CA10: variants seen among roughly 807,000 people sequenced by gnomAD.
The protein encoded by CA10 is carbonic anhydrase-related protein 10.
In CA10, 14 loss-of-function variants were observed where a neutral mutation model predicts 44.2. That is an observed-to-expected ratio of 0.32 (90% CI 0.21 to 0.50). CA10 has a LOEUF of 0.50. Among genes scored for constraint, CA10 ranks in the 20% least tolerant of loss-of-function variants. The pLI is 0.99. For missense variants in CA10, 350 were observed against 409.7 expected, an observed-to-expected ratio of 0.85 and a Z score of 1.26; for synonymous variants, 159 against 141.6, an observed-to-expected ratio of 1.12 and a Z score of -0.87.
At position 51,844,283 on chromosome 17, in the gene CA10, G is replaced by A. The variant is rs1349211225; in HGVS notation, c.279+86707C>T. Among the ~76,000 whole-genome samples the A allele has an allele frequency of 3.3e-5, 5 of 152,064 alleles. No homozygotes were observed. In the East Asian group the frequency reaches 7.7e-4, roughly 23 times the overall value. ...TGAAATTTGTAAAATAACCCTTTTTGTGATGTTGAGAAAGTCAAAATTAAG... is the reference window on the plus strand; with the variant it reads ...TGAAATTTGTAAAATAACCCTTTTTATGATGTTGAGAAAGTCAAAATTAAG... On this transcript the variant is annotated intron_variant, in intron 3 of 8. Coordinates refer to ENST00000451037, the MANE Select transcript of CA10 (RefSeq NM_020178.5).
rs1445038113 is a variant in CA10, at chr17:51,649,777, G to T, written c.562-523C>A. The stretch of plus-strand genomic sequence containing the variant: ...GATTGGCAGGGGCCAGATCATGTCA[G>T]GCTTTTAAGCAAGGTAGGGACTGAC... On this transcript the variant is annotated intron_variant, in intron 5 of 8. Transcript: ENST00000451037. Among the ~76,000 whole-genome samples the T allele has an allele frequency of 2.0e-5, 3 of 151,726 alleles. No homozygotes were observed. In the East Asian group the frequency reaches 5.8e-4, roughly 29 times the overall value.
At chr17:51,847,416 G>A (rs188517738) in intron 3 of CA10, among the ~76,000 whole-genome samples, 31 of 152,228 alleles carry the variant, frequency 2.0e-4, no homozygotes, top group Admixed American at 4.6e-4. Context: ...TGGATATTTG[G>A]AGAATGCCAA....
At chr17:52,151,755 G>C (rs1214773510) in intron 1 of CA10, among the ~76,000 whole-genome samples, 1 of 152,144 alleles carries the variant, frequency 6.6e-6, no homozygotes, top group African/African-American at 2.4e-5. Flanking sequence ...ATTAATACAT[G>C]TCAGGCAGTA....
chr17:52,060,052 A>G (rs979424789), intron 2 of CA10, among the ~76,000 whole-genome samples: 2 of 152,146 alleles, frequency 1.3e-5, no homozygotes, highest in Admixed American at 6.5e-5. Context: ...CTGATTGGTG[A>G]TAGAAATACG....
intron 1 of CA10, among the ~76,000 whole-genome samples, chr17:52,129,519 A>G (rs143157510): frequency 1.4e-4 from 21 of 152,352 alleles, no homozygotes; most frequent in Non-Finnish European, 2.8e-4. Flanking sequence ...TGGATATACT[A>G]TGTGGTGAAT....
intron 1 of CA10, among the ~76,000 whole-genome samples, chr17:52,105,506 T>C (rs1825907047): frequency 6.6e-6 from 1 of 152,202 alleles, no homozygotes; most frequent in African/African-American, 2.4e-5. Context: ...CTGCCCGCCC[T>C]GGCCTCCCAA....
chr17:51,876,552 T>C (rs545556591), intron 3 of CA10, among the ~76,000 whole-genome samples: 2 of 152,196 alleles, frequency 1.3e-5, no homozygotes, highest in African/African-American at 2.4e-5. Context: ...TTGTGGGGAA[T>C]GTCCTGTGCA....
At chr17:52,073,061 C>T (rs1208484537) in intron 1 of CA10, among the ~76,000 whole-genome samples, 1 of 152,142 alleles carries the variant, frequency 6.6e-6, no homozygotes, top group African/African-American at 2.4e-5. Flanking sequence ...ATTACACATG[C>T]ACACAAACCC....
intron 1 of CA10, among the ~76,000 whole-genome samples, chr17:52,145,474 CACA>C (rs961332955): frequency 1.2e-4 from 18 of 152,288 alleles, no homozygotes; most frequent in African/African-American, 3.8e-4. Context: ...TAACACTAAA[CACA>C]ACATGTCCTA....
At chr17:52,000,167 A>T (rs1326949488) in intron 2 of CA10, among the ~76,000 whole-genome samples, 1 of 152,066 alleles carries the variant, frequency 6.6e-6, no homozygotes, top group Non-Finnish European at 1.5e-5. Flanking sequence ...ACTATTGGGA[A>T]TTATATCTTG....
At chr17:51,646,519 G>A (rs56297239) in intron 6 of CA10, among the ~76,000 whole-genome samples, 8,078 of 152,070 alleles carry the variant, frequency 0.053, 295 homozygotes, top group Non-Finnish European at 0.08. Context: ...TCTGTCTCTC[G>A]AACATTTAGA....
At chr17:51,881,054 G>A (rs1022403836) in intron 3 of CA10, among the ~76,000 whole-genome samples, 18 of 151,690 alleles carry the variant, frequency 1.2e-4, no homozygotes, top group Non-Finnish European at 2.4e-4. Context: ...TGGCTAATAC[G>A]GTGAAACCCT....
intron 3 of CA10, among the ~76,000 whole-genome samples, chr17:51,884,697 G>A (rs1007284646): frequency 4.6e-5 from 7 of 151,466 alleles, no homozygotes; most frequent in African/African-American, 7.3e-5. Context: ...GAGGCTTAGC[G>A]CAAACTGGGA....
intron 3 of CA10, among the ~76,000 whole-genome samples, chr17:51,787,036 A>C (rs1906316269): frequency 6.6e-6 from 1 of 152,138 alleles, no homozygotes; most frequent in African/African-American, 2.4e-5. Context: ...CTTGGCCATG[A>C]TGTATGATCT....
chr17:52,152,838 G>A (rs1293845848), intron 1 of CA10, among the ~76,000 whole-genome samples: 1 of 152,002 alleles, frequency 6.6e-6, no homozygotes, highest in Non-Finnish European at 1.5e-5. Flanking sequence ...TTTGAAATAG[G>A]CAAAGCAAAT....
intron 1 of CA10, among the ~76,000 whole-genome samples, chr17:52,097,311 C>G (rs967105585): frequency 6.6e-6 from 1 of 152,100 alleles, no homozygotes; most frequent in South Asian, 2.1e-4. Context: ...TTAATTTCCC[C>G]TGAATCCCAG....
intron 4 of CA10, among the ~76,000 whole-genome samples, chr17:51,726,641 C>A (rs1916532695): frequency 6.6e-6 from 1 of 152,094 alleles, no homozygotes; most frequent in Admixed American, 6.6e-5. Context: ...ATCAACTAGG[C>A]CTTGTGTTGT....
chr17:52,013,030 A>G (rs1985851101), intron 2 of CA10, among the ~76,000 whole-genome samples: 1 of 152,040 alleles, frequency 6.6e-6, no homozygotes, highest in Non-Finnish European at 1.5e-5. Flanking sequence ...TTTAACTTAA[A>G]TCCTGCAATG....
At chr17:51,849,911 A>G (rs896617160) in intron 3 of CA10, among the ~76,000 whole-genome samples, 9 of 152,274 alleles carry the variant, frequency 5.9e-5, no homozygotes, top group South Asian at 2.1e-4. Context: ...TGAATAATTC[A>G]AGTCCATTTC....
Sources: gnomAD v4.1 joint callset for allele counts (sites outside exome capture counted in the v4.1 genomes callset) on GRCh38, gnomAD v4.1.1 for gene constraint, MANE v1.5 for transcripts, NCBI Gene and HGNC (gene_info 2026-07-23, HGNC 2026-07-21) for gene names.